Variants in OSBPL10 observed in about 807,000 individuals in gnomAD.
OSBPL10 encodes the protein oxysterol binding protein like 10.
Under a neutral mutation model 81.7 loss-of-function variants are expected in OSBPL10, and 49 were observed. The observed-to-expected ratio is 0.60, with a 90% CI of 0.48 to 0.76. OSBPL10 has a LOEUF of 0.76. Ranked by LOEUF, OSBPL10 falls within the 30% of genes least tolerant of loss-of-function variation. The probability of loss-of-function intolerance (pLI) is 0.00; values close to 1 mark genes in which losing one functional copy is unlikely to be tolerated. For synonymous variants in OSBPL10, 419 were observed against 383.6 expected (o/e 1.09, Z -1.08); for missense variants, 923 against 987.8 (o/e 0.93, Z 0.88).
chr3:31,813,015 A>C (rs1276429759), intron 4 of OSBPL10, among the ~76,000 whole-genome samples: 1 of 152,162 alleles, frequency 6.6e-6, no homozygotes, highest in Non-Finnish European at 1.5e-5. Context: ...TAAGTCACAT[A>C]TTATGTGTTT....
intron 1 of OSBPL10, among the ~76,000 whole-genome samples, chr3:31,922,416 C>G (rs11914604): frequency 6.6e-6 from 1 of 152,058 alleles, no homozygotes; most frequent in South Asian, 2.1e-4. Context: ...GTCAGGAGTT[C>G]GAGACCAGCC....
intron 1 of OSBPL10, 111 bp downstream of exon 1, chr3:31,980,788 A>C (rs1698813214): frequency 7.6e-7 from 1 of 1,308,804 alleles, no homozygotes; most frequent in African/African-American, 1.5e-5. Context: ...GGGTTCGCTG[A>C]AGGCACAATC....
chr3:31,900,959 T>C (rs1254681603), intron 1 of OSBPL10, among the ~76,000 whole-genome samples: 1 of 152,228 alleles, frequency 6.6e-6, no homozygotes, highest in Non-Finnish European at 1.5e-5. Flanking sequence ...GAAAAATAAA[T>C]TTGATTAAGG....
intron 1 of OSBPL10, among the ~76,000 whole-genome samples, chr3:31,950,922 A>C (rs1004964715): frequency 1.3e-5 from 2 of 152,186 alleles, no homozygotes; most frequent in Non-Finnish European, 2.9e-5. Context: ...TGCTGGTGCC[A>C]TGCCTGTACA....
chr3:31,673,654 C>T (rs1700381644), intron 8 of OSBPL10, among the ~76,000 whole-genome samples: 1 of 152,226 alleles, frequency 6.6e-6, no homozygotes, highest in Non-Finnish European at 1.5e-5. Flanking sequence ...CCCCAACTTA[C>T]TGTGGTTCAA....
chr3:31,829,874 CTTT>C (rs1468943745), intron 4 of OSBPL10, among the ~76,000 whole-genome samples, 163 bp downstream of exon 4: 1 of 152,138 alleles, frequency 6.6e-6, no homozygotes, highest in Non-Finnish European at 1.5e-5. Context: ...GAACAATTAA[CTTT>C]TTTTAAACCA....
At chr3:31,995,602 G>A (rs369050305) in intron 2 of OSBPL10, among the ~76,000 whole-genome samples, 15 of 152,180 alleles carry the variant, frequency 9.9e-5, no homozygotes, top group East Asian at 1.9e-4. Flanking sequence ...TACAGTTAAC[G>A]CAATCATCAC....
At chr3:31,817,675 C>T (rs1369412280) in intron 4 of OSBPL10, among the ~76,000 whole-genome samples, 1 of 152,212 alleles carries the variant, frequency 6.6e-6, no homozygotes, top group Non-Finnish European at 1.5e-5. Context: ...GGAGGGCAGG[C>T]TCCTGCCTGC....
At chr3:31,688,281 TCTCACACACACACA>T (rs908391132) in intron 7 of OSBPL10, among the ~76,000 whole-genome samples, 63 of 113,986 alleles carry the variant, frequency 5.5e-4, no homozygotes, top group Middle Eastern at 4.3e-3. Flanking sequence ...TCTCTCTCTC[TCTCACACACACACA>T]CACACACACA....
intron 4 of OSBPL10, among the ~76,000 whole-genome samples, chr3:31,770,236 T>C (rs1190418703): frequency 1.3e-5 from 2 of 152,204 alleles, no homozygotes; most frequent in African/African-American, 4.8e-5. Flanking sequence ...AATGCCTATT[T>C]TTCCTTTCCT....
At chr3:31,803,843 G>C (rs1699456540) in intron 4 of OSBPL10, among the ~76,000 whole-genome samples, 1 of 152,186 alleles carries the variant, frequency 6.6e-6, no homozygotes. Flanking sequence ...ACACAGAGGT[G>C]ATGTTGTACC....
In OSBPL10 at chr3:32,036,806, G is replaced by C. The variant is rs75240092; in HGVS notation, n.298+9685C>G. 5.6e-3 allele frequency among the ~76,000 whole-genome samples: 810 copies of C among 145,342 alleles called. 19 individuals are homozygous for C. In the East Asian group the frequency reaches 0.092, roughly 17 times the overall value. ...CCACTGCACTCCAGCCTGGGCAACAGAGTGAGACTCGTGTCTCAAAAAAAA... is the reference window on the plus strand; with the variant it reads ...CCACTGCACTCCAGCCTGGGCAACACAGTGAGACTCGTGTCTCAAAAAAAA... On this transcript the variant is annotated intron_variant and non_coding_transcript_variant, in intron 2 of 3. Transcript: ENST00000479173.
intron 3 of OSBPL10, among the ~76,000 whole-genome samples, chr3:31,835,935 T>A (rs1700350875): frequency 6.6e-6 from 1 of 152,218 alleles, no homozygotes; most frequent in Non-Finnish European, 1.5e-5. Flanking sequence ...CCGAATAAAA[T>A]GTGAACTGCT....
intron 4 of OSBPL10, among the ~76,000 whole-genome samples, chr3:31,821,037 G>A (rs11716476): frequency 0.069 from 10,465 of 152,166 alleles, 786 homozygotes; most frequent in East Asian, 0.45. Flanking sequence ...ATTTCCAGGT[G>A]TAACATGTAA....
chr3:31,955,594 G>T (rs190572747), intron 1 of OSBPL10, among the ~76,000 whole-genome samples: 179 of 152,258 alleles, frequency 1.2e-3, no homozygotes, highest in African/African-American at 4.2e-3. Context: ...GCCCTGTGGG[G>T]TCTCCTACAC....
intron 1 of OSBPL10, among the ~76,000 whole-genome samples, chr3:31,890,984 C>G (rs1200800758): frequency 1.3e-5 from 2 of 152,084 alleles, no homozygotes; most frequent in African/African-American, 4.8e-5. Flanking sequence ...TGAGCAACCC[C>G]AGTTTAGTAC....
intron 1 of OSBPL10, among the ~76,000 whole-genome samples, chr3:32,056,238 T>C (rs1699711819): frequency 6.6e-6 from 1 of 152,214 alleles, no homozygotes; most frequent in South Asian, 2.1e-4. Context: ...CTCACCCTGC[T>C]TATTTCTGTG....
At chr3:31,802,707 T>C in intron 4 of OSBPL10, among the ~76,000 whole-genome samples, 1 of 152,142 alleles carries the variant, frequency 6.6e-6, no homozygotes, top group Non-Finnish European at 1.5e-5. Flanking sequence ...CACTTGCACT[T>C]AGAGGCGTGA....
intron 6 of OSBPL10, chr3:31,732,825 C>T (rs926839842): frequency 1.4e-5 from 3 of 216,838 alleles, no homozygotes; most frequent in African/African-American, 4.8e-5. Flanking sequence ...CCACAGATCC[C>T]GGCCTGGCTC....
Sources: gnomAD v4.1 joint callset for allele counts (sites outside exome capture counted in the v4.1 genomes callset) on GRCh38, gnomAD v4.1.1 for gene constraint, MANE v1.5 for transcripts, NCBI Gene and HGNC (gene_info 2026-07-23, HGNC 2026-07-21) for gene names.